SGSM3: variants seen among roughly 807,000 people sequenced by gnomAD.
SGSM3 encodes RUN and SH3 containing 3.
Under a neutral mutation model 100.5 loss-of-function variants are expected in SGSM3, and 96 were observed. That is an observed-to-expected ratio of 0.96 (90% CI 0.81 to 1.13). The LOEUF is 1.13. Ranked by LOEUF, SGSM3 falls within the 50% of genes most tolerant of loss-of-function variation. SGSM3 has a pLI of 0.00. For missense variants in SGSM3, 1,001 were observed against 1,015.8 expected (o/e 0.99, Z 0.20); for synonymous variants, 483 against 422.8 (o/e 1.14, Z -1.75).
In SGSM3 at chr22:40,406,208, C is replaced by T; in HGVS notation, c.945C>T (p.Gly315=). Residue 315 remains glycine (G), a synonymous_variant, in exon 9 of 22, where the codon GGC becomes GGT. Transcript: ENST00000248929. ...GGGTGCTGTTCCAGCTCACGCTGGG[C>T]ATGCTGCACCTCAAGGTGCTCCACG... ...GSRVLFQLTL[G]MLHLKEEELI... 1 of 1,614,020 alleles carries T rather than the reference C, an allele frequency of 6.2e-7. No homozygotes were observed. Among genetic ancestry groups the T allele is most frequent in the Non-Finnish European group, 8.5e-7 (1 of 1,180,024 alleles).
intron 1 of SGSM3, among the ~76,000 whole-genome samples, chr22:40,398,195 G>A (rs921060548): frequency 3.3e-5 from 5 of 151,946 alleles, no homozygotes; most frequent in African/African-American, 4.8e-5. Flanking sequence ...TCAATCTCCC[G>A]ACCTCAGGTG....
chr22:40,407,486 A>G lies in SGSM3; in HGVS notation c.1442A>G (p.His481Arg). The change falls in exon 13 of 22, where the codon CAC becomes CGC. Residue 481 changes from histidine (H) to arginine (R), a missense_variant. By Grantham distance (29) the His-to-Arg change is conservative (BLOSUM62 0). Transcript: ENST00000248929. This position sits in a 1 kb window ranked among gnomAD's most constrained non-coding sequence, Gnocchi z 4.7. ...AACTACGTGGCGTGCTCACGCAGCCACCGGCGCCGAGCCAAGGCCCTGCTG... is the reference window on the plus strand; with the variant it reads ...AACTACGTGGCGTGCTCACGCAGCCGCCGGCGCCGAGCCAAGGCCCTGCTG... ...HENYVACSRS[H>R]RRRAKALLDF... is the part of the protein sequence containing the mutation. 1 of 1,611,332 alleles carries G rather than the reference A, an allele frequency of 6.2e-7. No individual in the cohort carries two copies. The highest frequency in any genetic ancestry group is 8.5e-7 in the Non-Finnish European group (1 of 1,179,990).
rs1009683218 is a variant in SGSM3, at chr22:40,409,923, G to T, written c.*164G>T. On this transcript the variant is annotated 3_prime_UTR_variant, in exon 22 of 22. Transcript: ENST00000248929. ...CCCCAGCACATCCCAGGTGGTGGGA[G>T]CAGAGGGTACCCTGCCCCACCAGGG... is the stretch of plus-strand genomic sequence containing the variant. 1 of 1,410,550 alleles carries T rather than the reference G, an allele frequency of 7.1e-7. No homozygotes were observed. The allele number at this position is 1,410,550 out of a possible 1,614,324, so 87.4% of individuals were successfully genotyped here. A position where few individuals can be genotyped will look rare whatever the true frequency, so the allele number is the denominator to read the frequency against.
In SGSM3 at chr22:40,410,099, C is replaced by CTT. The variant is rs2052408135; in HGVS notation, c.*342_*343dup. On this transcript the variant is annotated 3_prime_UTR_variant, in exon 22 of 22. Transcript: ENST00000248929. ...TGGTTTATAAATAAACTGTGTCTGT[C>CTT]TTTGAGAAAGCACCTACCTGTCTTC... 1.7e-6 allele frequency: 2 copies of CTT among 1,190,920 alleles called. No homozygotes were observed. The highest frequency in any genetic ancestry group is 2.9e-5 in the South Asian group (1 of 34,118). The allele number at this position is 1,190,920 out of a possible 1,614,324, so 73.8% of individuals were successfully genotyped here.
In SGSM3 at chr22:40,409,449, C is replaced by G; in HGVS notation, c.2112-16C>G. 1.3e-6 allele frequency: 2 copies of G among 1,566,352 alleles called. No homozygotes were observed. The highest frequency in any genetic ancestry group is 1.7e-6 in the Non-Finnish European group (2 of 1,153,954). Reference sequence around the variant, plus strand: ...TGGGGGTGACAAGAGCCTTACCACCCCTTCCTCACCTCTAGAGTCCTCTGC... The same window carrying G: ...TGGGGGTGACAAGAGCCTTACCACCGCTTCCTCACCTCTAGAGTCCTCTGC... On this transcript the variant is annotated splice_polypyrimidine_tract_variant and intron_variant, in intron 20 of 21. Coordinates refer to ENST00000248929, the MANE Select transcript of SGSM3 (RefSeq NM_015705.6).
At chr22:40,390,511 C>G (rs2049207826) in intron 1 of SGSM3, 1 of 152,140 alleles carries the variant, frequency 6.6e-6, no homozygotes, top group Non-Finnish European at 1.5e-5. Context: ...GTTCTCAAAA[C>G]CAGTGCTATA....
intron 17 of SGSM3, 42 bp downstream of exon 17, chr22:40,408,739 G>A (rs369014012): frequency 1.2e-5 from 19 of 1,613,812 alleles, no homozygotes; most frequent in Non-Finnish European, 1.6e-5. Context: ...ACCAGCAGTG[G>A]GAGGGCGGGG....
intron 1 of SGSM3, among the ~76,000 whole-genome samples, chr22:40,380,364 A>AT (rs555526386): frequency 0.2 from 26,875 of 134,236 alleles, 3,160 homozygotes; most frequent in Admixed American, 0.36. Context: ...AATATCTATA[A>AT]TTTTTTTTTT....
chr22:40,405,010 A>C, intron 6 of SGSM3, 131 bp from the exon 7 acceptor site: 1 of 1,267,762 alleles, frequency 7.9e-7, no homozygotes. Flanking sequence ...CTGACCCTGA[A>C]GGGAGGAGGG....
At chr22:40,404,108 C>T in intron 4 of SGSM3, 139 bp from the exon 5 acceptor site, 1 of 629,962 alleles carries the variant, frequency 1.6e-6, no homozygotes, top group Non-Finnish European at 2.6e-6. Context: ...AAGCCATTAG[C>T]TATGGGAATC....
At position 40,410,206 on chromosome 22, in the gene SGSM3, C is replaced by T; in HGVS notation, c.*447C>T. The stretch of plus-strand genomic sequence containing the variant: ...TGGTCTAGAAGGCACTGCGTGGCCC[C>T]TCAGATGCTGGGACACAACAGACCC... On this transcript the variant is annotated 3_prime_UTR_variant, in exon 22 of 22. Transcript: ENST00000248929. 4 of 1,061,450 alleles carry T rather than the reference C, an allele frequency of 3.8e-6. No individual in the cohort carries two copies. Among genetic ancestry groups the T allele is most frequent in the East Asian group, 1.1e-4 (2 of 18,522 alleles). 65.8% of individuals were successfully genotyped at this position (1,061,450 alleles called of 1,614,324 possible).
Position 40,404,660 on chromosome 22 carries a change from A to G in SGSM3, c.470A>G (p.Lys157Arg). 2 of 1,608,630 alleles carry G rather than the reference A, an allele frequency of 1.2e-6. No homozygotes were observed. Among genetic ancestry groups the G allele is most frequent in the Non-Finnish European group, 1.7e-6 (2 of 1,176,264 alleles). Residue 157 changes from lysine to arginine, a missense_variant, in exon 6 of 22, where the codon AAG becomes AGG. By Grantham distance (26) the Lys-to-Arg change is conservative (BLOSUM62 2). Transcript: ENST00000248929. ...NSSNDETIAA[K>R]QIEKDLLRTM... ...TCCAACGATGAGACCATCGCTGCCA[A>G]GCAGGTGAGGCCGGTGGCACTGTGC...
At position 40,406,443 on chromosome 22, in the gene SGSM3, A is replaced by G; in HGVS notation, c.966A>G (p.Glu322=). ...CCTGCCCTGGCATGGCCCAGGAGGA[A>G]GAGCTGATCCAGTCAGAGAACTCGG... The part of the protein sequence containing the change: ...LTLGMLHLKE[E]ELIQSENSAS... The change falls in exon 10 of 22, where the codon GAA becomes GAG. Residue 322 remains glutamate, a synonymous_variant. Transcript: ENST00000248929. 1 of 1,578,826 alleles carries G rather than the reference A, an allele frequency of 6.3e-7. No individual in the cohort carries two copies. The highest frequency in any genetic ancestry group is 8.6e-7 in the Non-Finnish European group (1 of 1,158,948).
intron 7 of SGSM3, among the ~76,000 whole-genome samples, 174 bp from the exon 8 acceptor site, chr22:40,405,475 C>T (rs2051353951): frequency 6.6e-6 from 1 of 152,174 alleles, no homozygotes; most frequent in Admixed American, 6.5e-5. Flanking sequence ...AGAGGCGCTC[C>T]CCAAGGGATG....
Position 40,407,749 on chromosome 22 carries a change from G to A in SGSM3, c.1525-40G>A. The A allele has an allele frequency of 6.2e-7, 1 of 1,610,878 alleles. No homozygotes were observed. Among genetic ancestry groups the A allele is most frequent in the East Asian group, 2.2e-5 (1 of 44,872 alleles). The stretch of plus-strand genomic sequence containing the variant: ...GGGGTGCAGGAGGCGCTGGCCCAGG[G>A]CACCCAGCTTTGGTTCCTGCTGTTT... On this transcript the variant is annotated intron_variant, in intron 13 of 21. Transcript: ENST00000248929. This position sits in a 1 kb window ranked among gnomAD's most constrained non-coding sequence, Gnocchi z 4.7.
chr22:40,377,170 T>C (rs2046769640), intron 1 of SGSM3, among the ~76,000 whole-genome samples: 1 of 152,242 alleles, frequency 6.6e-6, no homozygotes, highest in Non-Finnish European at 1.5e-5. Context: ...AGCTCAATTT[T>C]GCTTTGGAGA....
chr22:40,372,488 T>C (rs1286448014), intron 1 of SGSM3, among the ~76,000 whole-genome samples: 3 of 152,184 alleles, frequency 2.0e-5, no homozygotes, highest in African/African-American at 7.2e-5. Context: ...AGGTGTCTAT[T>C]GATCAGATAT....
In SGSM3 at chr22:40,408,685, G is replaced by GT; in HGVS notation, c.1842dup (p.Lys615Ter). 6.2e-7 allele frequency: 1 copy of GT among 1,614,046 alleles called. No homozygotes were observed. The highest frequency in any genetic ancestry group is 8.5e-7 in the Non-Finnish European group (1 of 1,180,026). On this transcript the variant is annotated frameshift_variant, in exon 17 of 22. Coordinates refer to ENST00000248929, the MANE Select transcript of SGSM3 (RefSeq NM_015705.6). LOFTEE classifies it high-confidence loss of function. ...TCCGTGTATTCCCGTCTGGTGCTCTGTAAGACCTTCAGGTAACTCGGCCCG... is the reference window on the plus strand; with the variant it reads ...TCCGTGTATTCCCGTCTGGTGCTCTGTTAAGACCTTCAGGTAACTCGGCCCG...
chr22:40,388,720 C>T (rs1267376736), intron 1 of SGSM3, among the ~76,000 whole-genome samples: 1 of 151,992 alleles, frequency 6.6e-6, no homozygotes, highest in Non-Finnish European at 1.5e-5. Context: ...GCGACGGCAG[C>T]CTCAACTAGA....
Sources: gnomAD v4.1 joint callset for allele counts (sites outside exome capture counted in the v4.1 genomes callset) on GRCh38, gnomAD v4.1.1 for gene constraint, Gnocchi (gnomAD v3.1) non-coding constraint, MANE v1.5 for transcripts, NCBI Gene and HGNC (gene_info 2026-07-23, HGNC 2026-07-21) for gene names.